The following PPP4R2 variants were observed in gnomAD, a reference collection of about 807,000 sequenced individuals.
The protein encoded by PPP4R2 is protein phosphatase 4 regulatory subunit 2.
In PPP4R2, 13 loss-of-function variants were observed where a neutral mutation model predicts 47.2. The observed-to-expected ratio is 0.28, with a 90% CI of 0.18 to 0.44. PPP4R2 has a LOEUF of 0.44. Among genes scored for constraint, PPP4R2 ranks in the 20% least tolerant of loss-of-function variants. The probability of loss-of-function intolerance (pLI) is 1.00; values close to 1 mark genes in which losing one functional copy is unlikely to be tolerated. For synonymous variants in PPP4R2, 151 were observed against 163.3 expected (o/e 0.92, Z 0.57); for missense variants, 421 against 491.2 (o/e 0.86, Z 1.35).
chr3:73,061,050 C>A lies in PPP4R2; in HGVS notation c.409C>A (p.Pro137Thr). 6.5e-7 allele frequency: 1 copy of A among 1,530,512 alleles called. No homozygotes were observed. The highest frequency in any genetic ancestry group is 2.2e-4 in the Middle Eastern group (1 of 4,536). The allele number at this position is 1,530,512 out of a possible 1,614,324, so 94.8% of individuals were successfully genotyped here. A position where few individuals can be genotyped will look rare whatever the true frequency, so the allele number is the denominator to read the frequency against. The change falls in exon 5 of 9, where the codon CCT becomes ACT. Residue 137 changes from proline to threonine, a missense_variant. This residue lies in a region of PPP4R2 where 104 missense variants were observed against 203.7 expected (regional missense o/e 0.51). Coordinates refer to ENST00000356692, the MANE Select transcript of PPP4R2 (RefSeq NM_174907.4). ...KNVMVVSCVY[P>T]SSEKNNSNSL... ...TGTGATGGTTGTTAGCTGTGTTTAT[C>A]CTTCTTCAGAGTAAGTATATTTTTT... is the stretch of plus-strand genomic sequence containing the variant.
intron 2 of PPP4R2, chr3:73,016,246 C>G (rs941696953): frequency 2.7e-5 from 4 of 150,196 alleles, no homozygotes; most frequent in African/African-American, 9.9e-5. Context: ...CCACATTTTC[C>G]TTTAATTCTA....
At chr3:73,063,203 C>T in intron 5 of PPP4R2, 1 of 380,608 alleles carries the variant, frequency 2.6e-6, no homozygotes, top group South Asian at 3.0e-5. Flanking sequence ...ATACCAGGAT[C>T]AACCATCACA....
Position 73,047,330 on chromosome 3 carries a change from A to T in PPP4R2, c.261A>T (p.Ile87=), listed in dbSNP as rs1347785781. The change falls in exon 3 of 9, where the codon ATA becomes ATT. Residue 87 remains isoleucine, a synonymous_variant. Coordinates refer to ENST00000356692, the MANE Select transcript of PPP4R2 (RefSeq NM_174907.4). The part of the protein sequence containing the change: ...YIPFDEMKER[I]LKIVTGFNGI... ...CCTTTGATGAAATGAAGGAAAGAATACTGAAAATTGTCACTGGATTTAATG... is the reference window on the plus strand; with the variant it reads ...CCTTTGATGAAATGAAGGAAAGAATTCTGAAAATTGTCACTGGATTTAATG... 6.2e-7 allele frequency: 1 copy of T among 1,611,198 alleles called. No individual in the cohort carries two copies. The highest frequency in any genetic ancestry group is 2.2e-5 in the East Asian group (1 of 44,804).
At chr3:73,039,883 G>C (rs912456513) in intron 2 of PPP4R2, among the ~76,000 whole-genome samples, 1 of 152,094 alleles carries the variant, frequency 6.6e-6, no homozygotes, top group Non-Finnish European at 1.5e-5. Context: ...GCGAAACACC[G>C]TCTCTACTAA....
At chr3:73,033,057 T>C (rs558335158) in intron 2 of PPP4R2, among the ~76,000 whole-genome samples, 6 of 152,332 alleles carry the variant, frequency 3.9e-5, no homozygotes, top group African/African-American at 1.4e-4. Context: ...CATCCTGTAA[T>C]TAACTTTTTG....
chr3:73,015,860 G>C (rs764215967), intron 2 of PPP4R2: 1 of 415,032 alleles, frequency 2.4e-6, no homozygotes, highest in East Asian at 9.2e-5. Flanking sequence ...GGACGGTCTC[G>C]ATCTCCTGAC....
At chr3:73,025,394 A>C (rs886853190) in intron 2 of PPP4R2, among the ~76,000 whole-genome samples, 1 of 152,188 alleles carries the variant, frequency 6.6e-6, no homozygotes, top group Non-Finnish European at 1.5e-5. Flanking sequence ...TGTTCTTACT[A>C]AGATCTTTGA....
chr3:73,056,871 A>G (rs1356022630), intron 3 of PPP4R2, among the ~76,000 whole-genome samples: 2 of 152,240 alleles, frequency 1.3e-5, no homozygotes, highest in Non-Finnish European at 2.9e-5. Flanking sequence ...AATTAGTGAG[A>G]AAACATTAGG....
At chr3:73,012,769 G>T (rs1341865177) in intron 2 of PPP4R2, among the ~76,000 whole-genome samples, 1 of 152,150 alleles carries the variant, frequency 6.6e-6, no homozygotes, top group Non-Finnish European at 1.5e-5. Context: ...TTCCAGGGTG[G>T]CTTTTGAGGT....
intron 1 of PPP4R2, among the ~76,000 whole-genome samples, chr3:72,997,783 A>G (rs1249952830): frequency 1.3e-5 from 2 of 152,154 alleles, no homozygotes; most frequent in African/African-American, 4.8e-5. Context: ...TTTTCACTGG[A>G]TTCCCAGCTT....
chr3:73,024,786 T>A (rs1249319152), intron 2 of PPP4R2, among the ~76,000 whole-genome samples: 1 of 152,206 alleles, frequency 6.6e-6, no homozygotes, highest in African/African-American at 2.4e-5. Context: ...CAAATTCATT[T>A]AAAAATTTTT....
At chr3:73,024,377 A>C (rs927096825) in intron 2 of PPP4R2, among the ~76,000 whole-genome samples, 3 of 152,182 alleles carry the variant, frequency 2.0e-5, no homozygotes, top group Non-Finnish European at 4.4e-5. Flanking sequence ...GAGGATTGTC[A>C]ATGTGTATAA....
At chr3:73,041,084 T>G (rs1218505761) in intron 2 of PPP4R2, among the ~76,000 whole-genome samples, 1 of 152,228 alleles carries the variant, frequency 6.6e-6, no homozygotes, top group Non-Finnish European at 1.5e-5. Flanking sequence ...AAACACATTA[T>G]TTAGTTTTTA....
At chr3:73,028,872 G>T (rs569993650) in intron 2 of PPP4R2, among the ~76,000 whole-genome samples, 7 of 152,204 alleles carry the variant, frequency 4.6e-5, no homozygotes, top group Non-Finnish European at 8.8e-5. Flanking sequence ...AAAGGGAATG[G>T]GGGAAATATA....
chr3:73,037,926 A>G (rs961759547), intron 2 of PPP4R2, among the ~76,000 whole-genome samples: 18 of 152,220 alleles, frequency 1.2e-4, no homozygotes, highest in African/African-American at 4.1e-4. Flanking sequence ...TGCTGGCAGT[A>G]ACAAAGTAAT....
chr3:73,052,965 A>G (rs1702650828), intron 3 of PPP4R2, among the ~76,000 whole-genome samples: 1 of 152,220 alleles, frequency 6.6e-6, no homozygotes, highest in South Asian at 2.1e-4. Context: ...TGGATTGTAG[A>G]ATAAAACAAC....
chr3:73,008,674 A>C (rs1407182000), intron 2 of PPP4R2, among the ~76,000 whole-genome samples: 1 of 152,210 alleles, frequency 6.6e-6, no homozygotes, highest in Non-Finnish European at 1.5e-5. Flanking sequence ...TTGTACCTTT[A>C]GTTGTTTCAA....
chr3:73,063,116 C>T, intron 5 of PPP4R2: 1 of 541,662 alleles, frequency 1.8e-6, no homozygotes. Flanking sequence ...CGAATGTTCC[C>T]AAACTTAGCA....
intron 2 of PPP4R2, among the ~76,000 whole-genome samples, chr3:73,013,377 G>A (rs1269176341): frequency 6.6e-6 from 1 of 152,090 alleles, no homozygotes; most frequent in Non-Finnish European, 1.5e-5. Context: ...GAGTGTAATG[G>A]ATCACACAAA....
Sources: allele counts gnomAD v4.1 joint callset (sites outside exome capture counted in the v4.1 genomes callset), GRCh38; gene constraint gnomAD v4.1.1; regional missense constraint gnomAD v4.1.1; transcripts MANE v1.5; gene names NCBI Gene and HGNC (gene_info 2026-07-23, HGNC 2026-07-21).